Variants in SPIDR observed in about 807,000 individuals in gnomAD.
SPIDR encodes DNA repair-scaffolding protein.
A neutral mutation model predicts 104.6 loss-of-function variants in SPIDR; 93 were observed. That is an observed-to-expected ratio of 0.89 (90% confidence interval 0.75 to 1.06). SPIDR has a LOEUF of 1.06. SPIDR is among the 50% of genes least tolerant of loss of function. The pLI is 0.00. For missense variants in SPIDR, 1,154 were observed against 1,111.2 expected (o/e 1.04, Z -0.55); for synonymous variants, 431 against 416.9 (o/e 1.03, Z -0.41).
chr8:47,543,432 G>T (rs1027322524), intron 8 of SPIDR, among the ~76,000 whole-genome samples: 1 of 152,132 alleles, frequency 6.6e-6, no homozygotes, highest in South Asian at 2.1e-4. Context: ...GAATCATGAG[G>T]TTCAAAAATT....
At chr8:47,549,047 G>T (rs1441572606) in intron 8 of SPIDR, among the ~76,000 whole-genome samples, 2 of 152,142 alleles carry the variant, frequency 1.3e-5, no homozygotes, top group East Asian at 1.9e-4. Context: ...GTGATAGTTT[G>T]CTCAGAATGA....
At chr8:47,345,571 G>A (rs948159887) in intron 5 of SPIDR, among the ~76,000 whole-genome samples, 17 of 152,094 alleles carry the variant, frequency 1.1e-4, no homozygotes, top group African/African-American at 1.2e-4. Context: ...CCATTTTTAC[G>A]ATACTGATTC....
At chr8:47,435,577 G>A (rs189627888) in intron 7 of SPIDR, among the ~76,000 whole-genome samples, 2 of 151,836 alleles carry the variant, frequency 1.3e-5, no homozygotes, top group Non-Finnish European at 2.9e-5. Context: ...TTTCTTAATC[G>A]TTTAACATCT....
chr8:47,649,895 A>G (rs1043031182), intron 10 of SPIDR, among the ~76,000 whole-genome samples: 5 of 152,230 alleles, frequency 3.3e-5, no homozygotes, highest in East Asian at 1.9e-4. Context: ...AAAGCATTCA[A>G]TAAAATCCAG....
intron 10 of SPIDR, among the ~76,000 whole-genome samples, chr8:47,629,116 C>T (rs1448697633): frequency 1.3e-5 from 2 of 152,224 alleles, no homozygotes; most frequent in South Asian, 2.1e-4. Context: ...GGAAAAGTTT[C>T]GTTTGATTCT....
At chr8:47,525,803 C>T (rs368215321) in intron 8 of SPIDR, among the ~76,000 whole-genome samples, 1 of 151,362 alleles carries the variant, frequency 6.6e-6, no homozygotes, top group Non-Finnish European at 1.5e-5. Context: ...TCACAAGGCA[C>T]GGTGGTAGCA....
chr8:47,467,260 T>G (rs2075020385), intron 8 of SPIDR, among the ~76,000 whole-genome samples: 1 of 152,072 alleles, frequency 6.6e-6, no homozygotes, highest in Admixed American at 6.6e-5. Flanking sequence ...ACCAGACAGA[T>G]TCACAGCTGA....
At chr8:47,669,956 C>T (rs929325482) in intron 10 of SPIDR, among the ~76,000 whole-genome samples, 3 of 152,252 alleles carry the variant, frequency 2.0e-5, no homozygotes, top group Admixed American at 6.5e-5. Flanking sequence ...GTCGAGATTA[C>T]GCCACTGCAC....
At chr8:47,452,998 A>T (rs2072151591) in intron 8 of SPIDR, among the ~76,000 whole-genome samples, 1 of 152,204 alleles carries the variant, frequency 6.6e-6, no homozygotes, top group Admixed American at 6.5e-5. Flanking sequence ...CAAGCTGATA[A>T]GCAGCTTCAG....
chr8:47,598,820 T>C (rs2061923115), intron 9 of SPIDR, 126 bp from the exon 10 acceptor site: 3 of 1,203,714 alleles, frequency 2.5e-6, no homozygotes, highest in African/African-American at 1.5e-5. Flanking sequence ...ATCACTTCAG[T>C]GTAGTGCAGA....
rs1021521516 is a variant in SPIDR, at chr8:47,272,334, G to T, written c.34-7528G>T. Among the ~76,000 whole-genome samples, 29 of 152,246 alleles carry T rather than the reference G, an allele frequency of 1.9e-4. No individual in the cohort carries two copies. In the East Asian group the frequency reaches 5.6e-3, roughly 29 times the overall value. On this transcript the variant is annotated intron_variant, in intron 1 of 19. Transcript: ENST00000297423. ...TTGAAGTAATTCATATTAATTTCTG[G>T]ATATTAAATTCTCCCATCCCCTCCC...
At chr8:47,723,688 C>G (rs1420910943) in intron 16 of SPIDR, among the ~76,000 whole-genome samples, 1 of 152,174 alleles carries the variant, frequency 6.6e-6, no homozygotes, top group African/African-American at 2.4e-5. Flanking sequence ...CTTGGCCTCC[C>G]AAAGTGCTGG....
intron 5 of SPIDR, among the ~76,000 whole-genome samples, chr8:47,302,559 TC>T (rs1369670988): frequency 6.6e-6 from 1 of 152,190 alleles, no homozygotes; most frequent in Non-Finnish European, 1.5e-5. Context: ...CTCTGTTTTT[TC>T]CCCATCTTTG....
chr8:47,679,466 G>A (rs894667749), intron 11 of SPIDR, among the ~76,000 whole-genome samples: 9 of 28,084 alleles, frequency 3.2e-4, no homozygotes, highest in Admixed American at 4.3e-4. Context: ...GCCCCCATCC[G>A]CTCCTGTGCT....
intron 8 of SPIDR, among the ~76,000 whole-genome samples, chr8:47,485,097 G>C (rs2077376845): frequency 6.6e-6 from 1 of 152,220 alleles, no homozygotes; most frequent in African/African-American, 2.4e-5. Context: ...CCCTTTCCTA[G>C]CCAAGGGAAG....
At chr8:47,724,512 C>G (rs140611465) in intron 16 of SPIDR, among the ~76,000 whole-genome samples, 32 of 152,322 alleles carry the variant, frequency 2.1e-4, no homozygotes, top group African/African-American at 7.7e-4. Flanking sequence ...CTGCTCTGCC[C>G]TGGTCCAGAA....
chr8:47,654,175 G>A (rs576824946), intron 10 of SPIDR: 172 of 1,289,632 alleles, frequency 1.3e-4, no homozygotes, highest in African/African-American at 9.2e-4. Flanking sequence ...AACTCTATTC[G>A]ATAAGAAGGA....
intron 11 of SPIDR, among the ~76,000 whole-genome samples, chr8:47,679,924 G>T (rs529424626): frequency 6.3e-4 from 96 of 152,214 alleles, no homozygotes; most frequent in Non-Finnish European, 8.5e-4. Context: ...TGCACATTAG[G>T]TGTTTTCTTG....
intron 5 of SPIDR, among the ~76,000 whole-genome samples, chr8:47,312,780 A>G (rs587615160): frequency 2.0e-5 from 3 of 152,268 alleles, no homozygotes; most frequent in African/African-American, 4.8e-5. Context: ...GGTGTTGTAG[A>G]CATGAAGTCC....
Sources: gnomAD v4.1 joint callset for allele counts (sites outside exome capture counted in the v4.1 genomes callset) on GRCh38, gnomAD v4.1.1 for gene constraint, MANE v1.5 for transcripts, NCBI Gene and HGNC (gene_info 2026-07-23, HGNC 2026-07-21) for gene names.